The following NCALD variants were observed in gnomAD, a reference collection of about 807,000 sequenced individuals.
NCALD encodes neurocalcin delta.
Under a neutral mutation model 18.6 loss-of-function variants are expected in NCALD, and 10 were observed. That is an observed-to-expected ratio of 0.54 (90% confidence interval 0.33 to 0.91). The LOEUF is 0.91. Among genes scored for constraint, NCALD ranks in the 40% least tolerant of loss-of-function variants. The pLI, the probability that NCALD is intolerant of heterozygous loss-of-function variation, is 0.03. For synonymous variants in NCALD, 88 were observed against 87.4 expected, an observed-to-expected ratio of 1.01 and a Z score of -0.04; for missense variants, 184 against 247.6, an observed-to-expected ratio of 0.74 and a Z score of 1.72.
At chr8:101,739,904 C>A (rs913436699) in intron 1 of NCALD, among the ~76,000 whole-genome samples, 4 of 152,192 alleles carry the variant, frequency 2.6e-5, no homozygotes, top group African/African-American at 7.2e-5. Flanking sequence ...CCTATTCGTT[C>A]TGTCTCTCTA....
chr8:102,026,856 T>C (rs1157516812), intron 1 of NCALD, among the ~76,000 whole-genome samples: 1 of 152,180 alleles, frequency 6.6e-6, no homozygotes, highest in African/African-American at 2.4e-5. Context: ...TCCTCTGAAA[T>C]CTAGGCAGAG....
At chr8:101,865,677 T>A (rs758177155) in intron 4 of NCALD, among the ~76,000 whole-genome samples, 1 of 152,138 alleles carries the variant, frequency 6.6e-6, no homozygotes, top group Non-Finnish European at 1.5e-5. Context: ...CCATTTAGTG[T>A]GAATTCACAG....
rs527886729 is a variant in NCALD at position 101,991,785 on chromosome 8, G to A, written c.-157+28452C>T. ...AATCTGTTGGTGCTTTTCCTAGATCGTCTGTGGCCAAGGCAGGTGCCATGG... is the reference window on the plus strand; with the variant it reads ...AATCTGTTGGTGCTTTTCCTAGATCATCTGTGGCCAAGGCAGGTGCCATGG... On this transcript the variant is annotated intron_variant, in intron 2 of 6. Coordinates refer to the NCALD transcript ENST00000311028. 8.5e-5 allele frequency among the ~76,000 whole-genome samples: 13 copies of A among 152,292 alleles called. No homozygotes were observed. In the South Asian group the frequency reaches 1.0e-3, roughly 12 times the overall value.
intron 4 of NCALD, among the ~76,000 whole-genome samples, chr8:101,828,737 G>A (rs1814046217): frequency 1.3e-5 from 2 of 152,074 alleles, no homozygotes; most frequent in South Asian, 4.2e-4. Context: ...AGGTAGCTGG[G>A]ATTACAGCTC....
At chr8:101,785,970 G>A (rs1368437109) in intron 1 of NCALD, 1 of 152,200 alleles carries the variant, frequency 6.6e-6, no homozygotes, top group African/African-American at 2.4e-5. Context: ...TGGTTCCCAG[G>A]TTGTTTGTCT....
chr8:102,012,095 CTT>C (rs1311714837), intron 2 of NCALD, among the ~76,000 whole-genome samples: 2 of 152,118 alleles, frequency 1.3e-5, no homozygotes, highest in Non-Finnish European at 2.9e-5. Flanking sequence ...GTCCTGGGTA[CTT>C]TGAGTCCACA....
intron 1 of NCALD, among the ~76,000 whole-genome samples, chr8:102,049,717 G>A (rs1823364921): frequency 6.6e-6 from 1 of 152,142 alleles, no homozygotes; most frequent in African/African-American, 2.4e-5. Flanking sequence ...GGTGTCCCGT[G>A]TACTGAATTG....
At chr8:101,918,590 A>G (rs1275393727) in intron 2 of NCALD, among the ~76,000 whole-genome samples, 1 of 152,170 alleles carries the variant, frequency 6.6e-6, no homozygotes, top group Admixed American at 6.6e-5. Flanking sequence ...AGAAAACCCT[A>G]AAGACTCTGT....
intron 4 of NCALD, among the ~76,000 whole-genome samples, chr8:101,841,707 CAA>C: frequency 6.6e-6 from 1 of 152,210 alleles, no homozygotes; most frequent in African/African-American, 2.4e-5. Context: ...CCATTCCAGC[CAA>C]AGAGGGTGAA....
intron 4 of NCALD, among the ~76,000 whole-genome samples, chr8:101,808,799 C>T (rs1813201948): frequency 6.6e-6 from 1 of 152,038 alleles, no homozygotes; most frequent in African/African-American, 2.4e-5. Flanking sequence ...GGGCTGTAAG[C>T]TGGAAGAAGC....
chr8:101,691,179 C>T (rs759031382), intron 3 of NCALD: 134 of 985,324 alleles, frequency 1.4e-4, no homozygotes, highest in Non-Finnish European at 1.5e-4. Flanking sequence ...ACCCAGTCTC[C>T]TGGTTGAGCT....
intron 2 of NCALD, among the ~76,000 whole-genome samples, chr8:101,952,933 T>A (rs1586816370): frequency 1.3e-5 from 2 of 152,114 alleles, no homozygotes. Flanking sequence ...TTTTTTTTTT[T>A]AAGAAGTAAC....
At chr8:101,950,515 G>A (rs1017268572) in intron 2 of NCALD, among the ~76,000 whole-genome samples, 4 of 152,130 alleles carry the variant, frequency 2.6e-5, no homozygotes, top group East Asian at 3.8e-4. Context: ...TTTCCATTTC[G>A]TCAGCCCTCC....
chr8:102,111,749 C>T (rs1825646264), intron 1 of NCALD, among the ~76,000 whole-genome samples: 1 of 152,128 alleles, frequency 6.6e-6, no homozygotes, highest in South Asian at 2.1e-4. Flanking sequence ...AATATCTCCC[C>T]TCCAAGCACA....
At chr8:101,925,173 C>T (rs1250108301) in intron 2 of NCALD, among the ~76,000 whole-genome samples, 1 of 152,100 alleles carries the variant, frequency 6.6e-6, no homozygotes, top group African/African-American at 2.4e-5. Flanking sequence ...TCCAAGAGGG[C>T]AGAGCCAGGC....
chr8:101,723,992 G>A (rs1207419655), intron 1 of NCALD, among the ~76,000 whole-genome samples: 1 of 152,074 alleles, frequency 6.6e-6, no homozygotes, highest in African/African-American at 2.4e-5. Context: ...AGGCATTTTT[G>A]CAATCTAAAA....
intron 4 of NCALD, among the ~76,000 whole-genome samples, chr8:101,818,380 T>A: frequency 6.6e-6 from 1 of 152,172 alleles, no homozygotes; most frequent in East Asian, 1.9e-4. Flanking sequence ...GTAAGTACCA[T>A]GATTACAGAC....
At chr8:102,027,886 A>G (rs1415722040) in intron 1 of NCALD, among the ~76,000 whole-genome samples, 1 of 152,168 alleles carries the variant, frequency 6.6e-6, no homozygotes, top group Non-Finnish European at 1.5e-5. Context: ...AGCCCCTGAT[A>G]AATTCATCAG....
chr8:101,995,524 GCACAT>G (rs1563521494), intron 2 of NCALD, among the ~76,000 whole-genome samples: 1 of 152,110 alleles, frequency 6.6e-6, no homozygotes, highest in Non-Finnish European at 1.5e-5. Flanking sequence ...GGGGTAGCAG[GCACAT>G]CACATGGCGA....
Sources: gnomAD v4.1 joint callset for allele counts (sites outside exome capture counted in the v4.1 genomes callset) on GRCh38, gnomAD v4.1.1 for gene constraint, MANE v1.5 for transcripts, NCBI Gene and HGNC (gene_info 2026-07-23, HGNC 2026-07-21) for gene names.